Variants in ITFG1 observed in about 807,000 individuals in gnomAD.
ITFG1 encodes T-cell immunomodulatory protein.
ITFG1 carries 34 observed loss-of-function variants against 81.8 expected under a neutral mutation model. The observed-to-expected ratio is 0.42, with a 90% CI of 0.32 to 0.55. The LOEUF is 0.55. Ranked by LOEUF, ITFG1 falls within the 20% of genes least tolerant of loss-of-function variation. ITFG1 has a pLI of 0.17. For synonymous variants in ITFG1, 285 were observed against 270.6 expected, an observed-to-expected ratio of 1.05 and a Z score of -0.52; for missense variants, 672 against 755.4, an observed-to-expected ratio of 0.89 and a Z score of 1.29.
chr16:47,184,637 A>G (rs1018258460), intron 14 of ITFG1, among the ~76,000 whole-genome samples: 19 of 152,248 alleles, frequency 1.2e-4, no homozygotes, highest in African/African-American at 4.3e-4. Context: ...AGCGCTAAAC[A>G]TGGAAAGGAA....
rs573633686 is a variant in ITFG1, at chr16:47,201,055, A to G, written c.1453+17813T>C. On this transcript the variant is annotated intron_variant, in intron 14 of 17. Transcript: ENST00000320640. ...CAGAGTTTGATAACCACTGCCAATA[A>G]GGAGAATATTTGTTCTCTACAGATT... Among the ~76,000 whole-genome samples the G allele has an allele frequency of 2.0e-4, 31 of 152,314 alleles. 2 individuals are homozygous for G. In the South Asian group the frequency reaches 6.0e-3, roughly 30 times the overall value.
intron 6 of ITFG1, among the ~76,000 whole-genome samples, chr16:47,378,863 C>G (rs1968360353): frequency 6.6e-6 from 1 of 152,072 alleles, no homozygotes; most frequent in African/African-American, 2.4e-5. Flanking sequence ...ATCAATGAAG[C>G]AATAAAGTTC....
chr16:47,184,019 C>G (rs532071883), intron 14 of ITFG1, among the ~76,000 whole-genome samples: 2 of 152,014 alleles, frequency 1.3e-5, no homozygotes, highest in African/African-American at 4.8e-5. Flanking sequence ...ATGCGATCAA[C>G]TGGAAGAAAG....
At chr16:47,310,490 T>C (rs1596881943) in intron 10 of ITFG1, among the ~76,000 whole-genome samples, 1 of 152,222 alleles carries the variant, frequency 6.6e-6, no homozygotes, top group South Asian at 2.1e-4. Flanking sequence ...CTCATATTTA[T>C]GGCATCTGTC....
chr16:47,275,620 G>A (rs1346560596), intron 10 of ITFG1, among the ~76,000 whole-genome samples: 1 of 151,946 alleles, frequency 6.6e-6, no homozygotes, highest in Non-Finnish European at 1.5e-5. Context: ...AGAGAATTGT[G>A]TTTTCATATG....
At chr16:47,276,272 G>GA (rs888907263) in intron 10 of ITFG1, among the ~76,000 whole-genome samples, 7 of 150,278 alleles carry the variant, frequency 4.7e-5, no homozygotes, top group South Asian at 2.1e-4. Context: ...AAAGTAATAG[G>GA]AAAAAAAAAT....
At chr16:47,314,617 C>T (rs1325271315) in intron 8 of ITFG1, among the ~76,000 whole-genome samples, 1 of 152,176 alleles carries the variant, frequency 6.6e-6, no homozygotes, top group African/African-American at 2.4e-5. Flanking sequence ...GAGGTGTCAG[C>T]TCTCTAGTGC....
At chr16:47,460,285 G>C (rs79062049) in intron 1 of ITFG1, among the ~76,000 whole-genome samples, 1 of 152,186 alleles carries the variant, frequency 6.6e-6, no homozygotes, top group African/African-American at 2.4e-5. Flanking sequence ...TTAGTGTTTA[G>C]GCCCTTGGAA....
At chr16:47,329,644 AAC>A (rs1467517998) in intron 8 of ITFG1, among the ~76,000 whole-genome samples, 1 of 152,162 alleles carries the variant, frequency 6.6e-6, no homozygotes. Context: ...CTATGTGCAA[AAC>A]AGTTATGAGT....
chr16:47,187,231 T>A (rs1034956273), intron 14 of ITFG1, among the ~76,000 whole-genome samples: 29 of 152,176 alleles, frequency 1.9e-4, no homozygotes, highest in African/African-American at 7.0e-4. Flanking sequence ...AAGCTACCAA[T>A]GACTTTCTTC....
chr16:47,193,760 T>G (rs1965321186), intron 14 of ITFG1, among the ~76,000 whole-genome samples: 1 of 152,174 alleles, frequency 6.6e-6, no homozygotes, highest in Non-Finnish European at 1.5e-5. Flanking sequence ...AATTACTACT[T>G]TTGGTGAATA....
chr16:47,372,014 C>T (rs1041715668), intron 7 of ITFG1, among the ~76,000 whole-genome samples: 2 of 151,456 alleles, frequency 1.3e-5, no homozygotes, highest in African/African-American at 4.9e-5. Flanking sequence ...CCCAGGTTCA[C>T]GCCATTCTCC....
intron 13 of ITFG1, among the ~76,000 whole-genome samples, chr16:47,232,241 A>G (rs1965823324): frequency 1.3e-5 from 2 of 152,264 alleles, no homozygotes; most frequent in Non-Finnish European, 2.9e-5. Flanking sequence ...CACAGCAGTG[A>G]TAGGAAACTT....
intron 13 of ITFG1, among the ~76,000 whole-genome samples, chr16:47,225,715 T>C (rs1965748573): frequency 6.6e-6 from 1 of 152,038 alleles, no homozygotes; most frequent in Admixed American, 6.6e-5. Context: ...CCTTCAAAAA[T>C]GGGGGGAAAT....
intron 14 of ITFG1, among the ~76,000 whole-genome samples, chr16:47,188,505 T>C (rs972555062): frequency 2.0e-4 from 30 of 149,978 alleles, no homozygotes; most frequent in African/African-American, 3.2e-4. Context: ...CAGTAAACTA[T>C]TGCAAGAACA....
intron 13 of ITFG1, among the ~76,000 whole-genome samples, chr16:47,220,611 T>C (rs1350339491): frequency 6.6e-6 from 1 of 152,240 alleles, no homozygotes; most frequent in Non-Finnish European, 1.5e-5. Flanking sequence ...AGTGGTAATA[T>C]TAACAAATGT....
intron 8 of ITFG1, among the ~76,000 whole-genome samples, chr16:47,354,793 G>T (rs182052256): frequency 7.2e-5 from 11 of 152,084 alleles, no homozygotes; most frequent in Middle Eastern, 3.4e-3. Flanking sequence ...ATGAAAAAAT[G>T]CTCAACATCA....
chr16:47,175,081 AC>A (rs1265523394), intron 14 of ITFG1, among the ~76,000 whole-genome samples: 1 of 152,188 alleles, frequency 6.6e-6, no homozygotes, highest in Non-Finnish European at 1.5e-5. Flanking sequence ...GCAATACTAT[AC>A]TGACATTAAT....
At chr16:47,247,392 G>C (rs1015503634) in intron 12 of ITFG1, among the ~76,000 whole-genome samples, 1 of 152,162 alleles carries the variant, frequency 6.6e-6, no homozygotes, top group East Asian at 1.9e-4. Flanking sequence ...ATGTATGTTA[G>C]TAGTTCATCT....
Sources: allele counts gnomAD v4.1 joint callset (sites outside exome capture counted in the v4.1 genomes callset), GRCh38; gene constraint gnomAD v4.1.1; transcripts MANE v1.5; gene names NCBI Gene and HGNC (gene_info 2026-07-23, HGNC 2026-07-21).